ELAPOR2: variants seen among roughly 807,000 people sequenced by gnomAD.
The protein encoded by ELAPOR2 is endosome-lysosome associated apoptosis and autophagy regulator family member 2.
A neutral mutation model predicts 120.7 loss-of-function variants in ELAPOR2; 89 were observed. That is an observed-to-expected ratio of 0.74 (90% CI 0.62 to 0.88). The LOEUF is 0.88. Ranked by LOEUF, ELAPOR2 falls within the 40% of genes least tolerant of loss-of-function variation. The probability of loss-of-function intolerance (pLI) is 0.00; values close to 1 mark genes in which losing one functional copy is unlikely to be tolerated. For synonymous variants in ELAPOR2, 444 were observed against 444.9 expected (o/e 1.00, Z 0.03); for missense variants, 1,134 against 1,251.6 (o/e 0.91, Z 1.42).
chr7:86,881,357 C>CT (rs773455638), intron 21 of ELAPOR2, among the ~76,000 whole-genome samples: 2,040 of 138,954 alleles, frequency 0.015, 22 homozygotes, highest in Middle Eastern at 0.025. Flanking sequence ...CAAGCACGCC[C>CT]TTTTTTTTTT....
Position 86,891,902 on chromosome 7 carries a change from AAAAT to A in ELAPOR2, c.2865-17_2865-14del, listed in dbSNP as rs758384185. 4.0e-6 allele frequency: 6 copies of A among 1,494,560 alleles called. No individual in the cohort carries two copies. The highest frequency in any genetic ancestry group is 1.2e-5 in the South Asian group (1 of 81,210). The allele number at this position is 1,494,560 out of a possible 1,614,324, so 92.6% of individuals were successfully genotyped here. On this transcript the variant is annotated splice_polypyrimidine_tract_variant and intron_variant, in intron 20 of 21. Coordinates refer to ENST00000450689, the MANE Select transcript of ELAPOR2 (RefSeq NM_001142749.3). ...TTTGTATTCCAGTCTAAATAGTGATAAAATAAATAAACAAATAAGTATCCATTTA... is the reference window on the plus strand; with the variant it reads ...TTTGTATTCCAGTCTAAATAGTGATAAAATAAACAAATAAGTATCCATTTA...
intron 2 of ELAPOR2, among the ~76,000 whole-genome samples, chr7:86,955,145 T>G (rs1470445022): frequency 6.6e-6 from 1 of 152,152 alleles, no homozygotes; most frequent in Admixed American, 6.5e-5. Context: ...ATCTCAGATC[T>G]TCTTCCTCCT....
chr7:87,050,182 G>A (rs1219708683), intron 1 of ELAPOR2, among the ~76,000 whole-genome samples: 3 of 152,170 alleles, frequency 2.0e-5, no homozygotes, highest in Admixed American at 6.5e-5. Flanking sequence ...GTAATAAGAG[G>A]TGACATTAGA....
intron 1 of ELAPOR2, among the ~76,000 whole-genome samples, chr7:87,010,791 T>C (rs1408413840): frequency 6.6e-6 from 1 of 152,120 alleles, no homozygotes; most frequent in East Asian, 1.9e-4. Context: ...ATTTTTTTTT[T>C]CAAATAGTTT....
chr7:87,024,871 A>C (rs947299286), intron 1 of ELAPOR2, among the ~76,000 whole-genome samples: 3 of 152,096 alleles, frequency 2.0e-5, no homozygotes, highest in Non-Finnish European at 4.4e-5. Context: ...TGAATCTCTG[A>C]ATAGACCAAT....
chr7:86,944,933 T>G lies in ELAPOR2; in HGVS notation c.620A>C (p.Gln207Pro). 2 of 1,549,958 alleles carry G rather than the reference T, an allele frequency of 1.3e-6. No homozygotes were observed. The highest frequency in any genetic ancestry group is 1.7e-6 in the Non-Finnish European group (2 of 1,146,398). Residue 207 changes from glutamine (Q) to proline (P), a missense_variant, in exon 4 of 22, where the codon CAG becomes CCG. Coordinates refer to ENST00000450689, the MANE Select transcript of ELAPOR2 (RefSeq NM_001142749.3). ...AAAGAAGATGTTGTTGTCGACATAC[T>G]GGTACTCAAAGAAGACATAGCCTGA... is the stretch of plus-strand genomic sequence containing the variant. Reference protein sequence around the residue: ...KKSGYVFFEYQYVDNNIFFEF... With the variant: ...KKSGYVFFEYPYVDNNIFFEF...
At chr7:86,887,166 G>A (rs1254129300) in intron 21 of ELAPOR2, among the ~76,000 whole-genome samples, 1 of 152,064 alleles carries the variant, frequency 6.6e-6, no homozygotes, top group Non-Finnish European at 1.5e-5. Context: ...TAAAATATGT[G>A]TCACTCATGT....
At chr7:86,885,167 C>T (rs563626836) in intron 21 of ELAPOR2, among the ~76,000 whole-genome samples, 1 of 152,272 alleles carries the variant, frequency 6.6e-6, no homozygotes, top group East Asian at 1.9e-4. Context: ...ACATTATTAA[C>T]AATAGCAAGA....
intron 1 of ELAPOR2, among the ~76,000 whole-genome samples, chr7:86,988,909 A>C (rs1488347200): frequency 3.3e-5 from 5 of 152,164 alleles, no homozygotes; most frequent in Non-Finnish European, 7.3e-5. Context: ...TCCAAAAATA[A>C]ATTTATCTCA....
intron 8 of ELAPOR2, among the ~76,000 whole-genome samples, chr7:86,935,154 A>C (rs1235904740): frequency 6.6e-6 from 1 of 152,028 alleles, no homozygotes; most frequent in Non-Finnish European, 1.5e-5. Context: ...ATACCAAAAA[A>C]CTTGCAGTGA....
intron 8 of ELAPOR2, among the ~76,000 whole-genome samples, chr7:86,936,787 C>A (rs1017267808): frequency 6.6e-6 from 1 of 152,006 alleles, no homozygotes; most frequent in Non-Finnish European, 1.5e-5. Context: ...GATTTTGTCA[C>A]ACTACTTACT....
intron 1 of ELAPOR2, among the ~76,000 whole-genome samples, chr7:87,041,331 A>T (rs1488817292): frequency 6.6e-6 from 1 of 152,130 alleles, no homozygotes; most frequent in Non-Finnish European, 1.5e-5. Flanking sequence ...CAAAGTTGAA[A>T]TGAAGGAAAA....
At chr7:86,895,633 C>T (rs1421866603) in intron 19 of ELAPOR2, among the ~76,000 whole-genome samples, 6 of 151,988 alleles carry the variant, frequency 3.9e-5, no homozygotes, top group African/African-American at 7.2e-5. Flanking sequence ...TCTTATAATA[C>T]GTTGAAGTGA....
rs780700806 is a variant in ELAPOR2 at position 86,912,263 on chromosome 7, G to T, written c.1996-18C>A. On this transcript the variant is annotated intron_variant, in intron 14 of 21. Coordinates refer to ENST00000450689, the MANE Select transcript of ELAPOR2 (RefSeq NM_001142749.3). ...GAATGGTCCTTTGATTAAAGATAAA[G>T]AAACAATATAGCAGGAAAGAAAATA... 2 of 1,541,920 alleles carry T rather than the reference G, an allele frequency of 1.3e-6. No homozygotes were observed. Among genetic ancestry groups the T allele is most frequent in the Non-Finnish European group, 1.8e-6 (2 of 1,126,164 alleles).
intron 1 of ELAPOR2, among the ~76,000 whole-genome samples, chr7:87,018,017 G>A (rs1793924206): frequency 6.6e-6 from 1 of 152,114 alleles, no homozygotes; most frequent in Non-Finnish European, 1.5e-5. Flanking sequence ...CACACTGGCA[G>A]AAAAGTCACT....
Position 87,013,823 on chromosome 7 carries a change from T to G in ELAPOR2, c.189+45502A>C, listed in dbSNP as rs147897379. ...TGATTCCATATTTGCAAATTTTACT[T>G]GCTAAAATTTACTTATCACCACAAA... On this transcript the variant is annotated intron_variant, in intron 1 of 21. Coordinates refer to ENST00000450689, the MANE Select transcript of ELAPOR2 (RefSeq NM_001142749.3). Among the ~76,000 whole-genome samples, 325 of 152,298 alleles carry G rather than the reference T, an allele frequency of 2.1e-3. 2 individuals carry two copies. The highest frequency in any genetic ancestry group is 0.01 in the Middle Eastern group (3 of 294).
At chr7:87,036,069 C>T (rs1029280939) in intron 1 of ELAPOR2, among the ~76,000 whole-genome samples, 1 of 152,210 alleles carries the variant, frequency 6.6e-6, no homozygotes, top group African/African-American at 2.4e-5. Flanking sequence ...TTTAGCATCA[C>T]ATACATTAAT....
intron 18 of ELAPOR2, among the ~76,000 whole-genome samples, chr7:86,898,039 C>T (rs1326310789): frequency 1.3e-5 from 2 of 152,066 alleles, no homozygotes; most frequent in African/African-American, 2.4e-5. Context: ...AAAACTGGTA[C>T]ATCAATGTTT....
Position 86,909,874 on chromosome 7 carries a change from T to C in ELAPOR2, c.2297A>G (p.Glu766Gly). 6.2e-7 allele frequency: 1 copy of C among 1,613,464 alleles called. No individual in the cohort carries two copies. Among genetic ancestry groups the C allele is most frequent in the Non-Finnish European group, 8.5e-7 (1 of 1,179,602 alleles). The change falls in exon 16 of 22, where the codon GAA becomes GGA. Residue 766 changes from glutamate (E) to glycine (G), a missense_variant. By Grantham distance (98) the Glu-to-Gly change is moderately conservative (BLOSUM62 -2). Transcript: ENST00000450689. ...TAAGGCTGCTCGGAAACCCTTACTTTCAGAAGGAATAATTGTTGACTGGCA... is the reference window on the plus strand; with the variant it reads ...TAAGGCTGCTCGGAAACCCTTACTTCCAGAAGGAATAATTGTTGACTGGCA... ...FVCQSTIIPS[E>G]SKGFRAALSS...
Sources: gnomAD v4.1 joint callset for allele counts (sites outside exome capture counted in the v4.1 genomes callset) on GRCh38, gnomAD v4.1.1 for gene constraint, MANE v1.5 for transcripts, NCBI Gene and HGNC (gene_info 2026-07-23, HGNC 2026-07-21) for gene names.